The following SCHIP1 variants were observed in gnomAD, a reference collection of about 807,000 sequenced individuals.
The protein encoded by SCHIP1 is schwannomin-interacting protein 1.
A neutral mutation model predicts 29.7 loss-of-function variants in SCHIP1; 8 were observed. That is an observed-to-expected ratio of 0.27 (90% CI 0.16 to 0.49). The LOEUF (loss-of-function observed/expected upper bound fraction) is 0.49. SCHIP1 is among the 20% of genes least tolerant of loss of function. SCHIP1 has a pLI of 0.99. For missense variants in SCHIP1, 193 were observed against 294.6 expected (o/e 0.66, Z 2.52); for synonymous variants, 76 against 94.9 (o/e 0.80, Z 1.16).
chr3:159,645,127 G>A, the SCHIP1 span, among the ~76,000 whole-genome samples: 6 of 152,072 alleles, frequency 3.9e-5, no homozygotes, highest in Admixed American at 1.3e-4. Flanking sequence ...GGAAGAAAAC[G>A]TCAATGTAGT....
At chr3:159,797,930 G>A in the SCHIP1 span, among the ~76,000 whole-genome samples, 1 of 152,206 alleles carries the variant, frequency 6.6e-6, no homozygotes, top group Non-Finnish European at 1.5e-5. Flanking sequence ...GTTTGTTTCA[G>A]TTACTTTCTT....
the SCHIP1 span, among the ~76,000 whole-genome samples, chr3:159,279,316 T>C: frequency 6.6e-6 from 1 of 152,174 alleles, no homozygotes; most frequent in African/African-American, 2.4e-5. Flanking sequence ...CCTTTGCTCC[T>C]CCTTCACCTT....
intron 2 of SCHIP1, among the ~76,000 whole-genome samples, chr3:159,873,069 A>C (rs13059383): frequency 3.3e-5 from 5 of 152,224 alleles, no homozygotes; most frequent in Non-Finnish European, 7.3e-5. Flanking sequence ...GATTACCTCT[A>C]GTATTCTAAA....
the SCHIP1 span, among the ~76,000 whole-genome samples, chr3:159,675,875 T>C: frequency 1.1e-4 from 16 of 152,286 alleles, no homozygotes; most frequent in South Asian, 3.3e-3. Context: ...CTCATGCCTG[T>C]AATCCCAGCA....
the SCHIP1 span, among the ~76,000 whole-genome samples, chr3:159,571,096 T>C: frequency 2.0e-5 from 3 of 152,174 alleles, no homozygotes; most frequent in East Asian, 5.8e-4. Flanking sequence ...ACAGGGAAAA[T>C]ATGACTTCCT....
At chr3:159,626,214 CTAGATATATATATATCTAGATA>C in the SCHIP1 span, among the ~76,000 whole-genome samples, 2,877 of 90,562 alleles carry the variant, frequency 0.032, 365 homozygotes, top group African/African-American at 0.18. Context: ...ATAGATATAT[CTAGATATATATATATCTAGATA>C]TATCTATCTA....
chr3:159,632,710 G>T, the SCHIP1 span, among the ~76,000 whole-genome samples: 1 of 152,200 alleles, frequency 6.6e-6, no homozygotes, highest in Non-Finnish European at 1.5e-5. Flanking sequence ...TCAGGGTTTT[G>T]TCTTGAGCTG....
the SCHIP1 span, among the ~76,000 whole-genome samples, chr3:159,351,622 C>T: frequency 2.0e-5 from 3 of 152,008 alleles, no homozygotes; most frequent in Non-Finnish European, 4.4e-5. Context: ...GGAATCAATG[C>T]ATTCCATGGC....
chr3:159,720,213 C>T, the SCHIP1 span, among the ~76,000 whole-genome samples: 3 of 127,170 alleles, frequency 2.4e-5, no homozygotes, highest in Non-Finnish European at 4.7e-5. Context: ...GAACATCACA[C>T]ACCGGGGCCT....
the SCHIP1 span, among the ~76,000 whole-genome samples, chr3:159,592,133 G>A: frequency 6.6e-6 from 1 of 152,042 alleles, no homozygotes; most frequent in Non-Finnish European, 1.5e-5. Flanking sequence ...CTATCCCAGA[G>A]ACCTTAAAAC....
At chr3:159,813,621 G>A in the SCHIP1 span, among the ~76,000 whole-genome samples, 1 of 151,922 alleles carries the variant, frequency 6.6e-6, no homozygotes, top group Non-Finnish European at 1.5e-5. Flanking sequence ...CCAGGAGTTC[G>A]AGGCTGCACT....
chr3:159,294,227 A>G, the SCHIP1 span, among the ~76,000 whole-genome samples: 1 of 152,156 alleles, frequency 6.6e-6, no homozygotes. Context: ...ACTCAAAAAT[A>G]TTTGTTTTAG....
At chr3:159,355,473 C>A in the SCHIP1 span, among the ~76,000 whole-genome samples, 3 of 151,958 alleles carry the variant, frequency 2.0e-5, no homozygotes, top group Non-Finnish European at 4.4e-5. Context: ...ATTTGGTGCA[C>A]AAGGTGACAT....
the SCHIP1 span, among the ~76,000 whole-genome samples, chr3:159,508,825 C>T: frequency 4.3e-4 from 66 of 152,274 alleles, no homozygotes; most frequent in Non-Finnish European, 7.1e-4. Context: ...GCACTGTGGT[C>T]TGAGAGACAG....
chr3:159,707,570 A>C, the SCHIP1 span, among the ~76,000 whole-genome samples: 4 of 152,324 alleles, frequency 2.6e-5, no homozygotes, highest in African/African-American at 7.2e-5. Flanking sequence ...AAAACAGTCC[A>C]TTCTTGGATC....
At chr3:159,291,085 C>T in the SCHIP1 span, among the ~76,000 whole-genome samples, 353 of 152,064 alleles carry the variant, frequency 2.3e-3, no homozygotes, top group Middle Eastern at 6.8e-3. Context: ...CTTAGAGGAG[C>T]GGCTGATTCC....
chr3:159,857,065 C>T (rs765865350), intron 1 of SCHIP1, among the ~76,000 whole-genome samples: 3 of 152,130 alleles, frequency 2.0e-5, no homozygotes, highest in South Asian at 2.1e-4. Context: ...AAATCTCTTC[C>T]GCTTTGTGGG....
At chr3:159,764,770 AGCG>A in the SCHIP1 span, 3 of 1,569,926 alleles carry the variant, frequency 1.9e-6, no homozygotes, top group Admixed American at 1.8e-5. This position sits in a 1 kb window ranked among gnomAD's most constrained non-coding sequence, Gnocchi z 6.1. Context: ...CAGGACCCGC[AGCG>A]GCGGCGGCGG....
At chr3:159,566,855 AG>A in the SCHIP1 span, among the ~76,000 whole-genome samples, 1 of 152,214 alleles carries the variant, frequency 6.6e-6, no homozygotes, top group African/African-American at 2.4e-5. Context: ...GTACCCAGGA[AG>A]TGGCACTGCT....
Sources: allele counts gnomAD v4.1 joint callset (sites outside exome capture counted in the v4.1 genomes callset), GRCh38; gene constraint gnomAD v4.1.1; non-coding constraint Gnocchi (gnomAD v3.1); transcripts MANE v1.5; gene names NCBI Gene and HGNC (gene_info 2026-07-23, HGNC 2026-07-21).